Variants in FRAS1 observed in about 807,000 individuals in gnomAD.
The protein encoded by FRAS1 is Fraser extracellular matrix complex subunit 1, also known as extracellular matrix organizing protein FRAS1.
Under a neutral mutation model 435.2 loss-of-function variants are expected in FRAS1, and 290 were observed. The ratio of observed to expected loss-of-function variants is 0.67; its 90% CI spans 0.61 to 0.73. The LOEUF (loss-of-function observed/expected upper bound fraction) is 0.73, where lower values mean the gene tolerates loss of function less well. Ranked by LOEUF, FRAS1 falls within the 30% of genes least tolerant of loss-of-function variation. The pLI is 0.00. For missense variants in FRAS1, 4,860 were observed against 5,001.5 expected, an observed-to-expected ratio of 0.97 and a Z score of 0.85; for synonymous variants, 1,800 against 1,851.0, an observed-to-expected ratio of 0.97 and a Z score of 0.71.
At chr4:78,335,057 G>A (rs445963) in intron 19 of FRAS1, among the ~76,000 whole-genome samples, 14,584 of 152,062 alleles carry the variant, frequency 0.096, 2,100 homozygotes, top group African/African-American at 0.32. Context: ...ACTGTATCTG[G>A]CTCCATTTCT....
intron 7 of FRAS1, 42 bp from the exon 8 acceptor site, chr4:78,266,792 G>A (rs1267102558): frequency 7.0e-7 from 1 of 1,437,772 alleles, no homozygotes; most frequent in Admixed American, 1.9e-5. Context: ...TGATGTATGG[G>A]ACATTTGATT....
At chr4:78,138,214 C>T (rs911325278) in intron 2 of FRAS1, among the ~76,000 whole-genome samples, 3 of 152,166 alleles carry the variant, frequency 2.0e-5, no homozygotes, top group African/African-American at 7.2e-5. Context: ...CAGTTGCTCT[C>T]ATTTTGAGTA....
chr4:78,258,096 T>C (rs1725872413), intron 6 of FRAS1, among the ~76,000 whole-genome samples: 1 of 152,168 alleles, frequency 6.6e-6, no homozygotes, highest in Non-Finnish European at 1.5e-5. Context: ...ATCCCAGCAC[T>C]TTGGGAAGCC....
chr4:78,237,401 T>C (rs1724805158), intron 2 of FRAS1, 109 bp from the exon 3 acceptor site: 2 of 727,130 alleles, frequency 2.8e-6, no homozygotes, highest in Admixed American at 2.2e-5. Context: ...GCCTGTGACT[T>C]TTCTTTGTCT....
chr4:78,448,673 T>A (rs77384885), intron 44 of FRAS1, among the ~76,000 whole-genome samples: 3,948 of 28,578 alleles, frequency 0.14, 173 homozygotes, highest in African/African-American at 0.21. Flanking sequence ...TGGAAACAAA[T>A]AACGAAATAT....
At chr4:78,202,081 A>T (rs1321994664) in intron 2 of FRAS1, among the ~76,000 whole-genome samples, 1 of 152,188 alleles carries the variant, frequency 6.6e-6, no homozygotes, top group Non-Finnish European at 1.5e-5. Context: ...GGTAGAAGCA[A>T]TGGATGCTGC....
At position 78,080,085 on chromosome 4, in the gene FRAS1, C is replaced by T. The variant is rs139767767; in HGVS notation, c.108+14069C>T. 5.2e-3 allele frequency among the ~76,000 whole-genome samples: 799 copies of T among 152,214 alleles called. 6 individuals carry two copies. The highest frequency in any genetic ancestry group is 0.018 in the African/African-American group (759 of 41,536). Reference sequence around the variant, plus strand: ...TTGGCCCCAAAGGGGCCAACTTACACTACAGGTGGAATGGCATCTCACCTT... The same window carrying T: ...TTGGCCCCAAAGGGGCCAACTTACATTACAGGTGGAATGGCATCTCACCTT... On this transcript the variant is annotated intron_variant, in intron 2 of 73. Transcript: ENST00000512123.
chr4:78,094,332 A>G (rs896060187), intron 2 of FRAS1, among the ~76,000 whole-genome samples: 1 of 152,066 alleles, frequency 6.6e-6, no homozygotes, highest in South Asian at 2.1e-4. Flanking sequence ...TTGAAGCAGC[A>G]TAGCTTTCCC....
At chr4:78,261,744 T>C (rs1726117404) in intron 6 of FRAS1, among the ~76,000 whole-genome samples, 1 of 152,168 alleles carries the variant, frequency 6.6e-6, no homozygotes, top group Non-Finnish European at 1.5e-5. Flanking sequence ...GGAATGACTA[T>C]CCATTCTTTG....
intron 26 of FRAS1, chr4:78,379,465 C>T (rs1731922335): frequency 4.9e-6 from 2 of 409,662 alleles, no homozygotes; most frequent in South Asian, 2.9e-5. Flanking sequence ...CTCCCACTGG[C>T]AGGCAAAGAG....
chr4:78,396,103 C>T (rs950544441), intron 29 of FRAS1, among the ~76,000 whole-genome samples: 1 of 152,010 alleles, frequency 6.6e-6, no homozygotes, highest in African/African-American at 2.4e-5. Flanking sequence ...TAACTTATCT[C>T]CAATTGCATA....
chr4:78,359,718 GCA>G (rs754660678), intron 20 of FRAS1, among the ~76,000 whole-genome samples: 23 of 152,134 alleles, frequency 1.5e-4, no homozygotes, highest in Non-Finnish European at 3.1e-4. Context: ...GTTGAACTTT[GCA>G]CACTCGAGTA....
intron 69 of FRAS1, among the ~76,000 whole-genome samples, chr4:78,525,381 A>G (rs886560481): frequency 1.3e-5 from 2 of 152,228 alleles, no homozygotes; most frequent in Non-Finnish European, 2.9e-5. Flanking sequence ...GACTTTTAGA[A>G]CGGGAAGGAG....
intron 14 of FRAS1, among the ~76,000 whole-genome samples, chr4:78,307,665 C>G (rs999701616): frequency 2.6e-5 from 4 of 152,256 alleles, no homozygotes; most frequent in Admixed American, 2.6e-4. Flanking sequence ...GGGGAACTCC[C>G]TGACCCCTTG....
chr4:78,320,959 C>T (rs1729480418), intron 18 of FRAS1, among the ~76,000 whole-genome samples: 1 of 152,142 alleles, frequency 6.6e-6, no homozygotes, highest in Admixed American at 6.5e-5. Flanking sequence ...ACAGTGCTCC[C>T]ATGAAAAAAC....
intron 2 of FRAS1, among the ~76,000 whole-genome samples, chr4:78,213,071 G>A (rs533614965): frequency 6.6e-5 from 10 of 152,248 alleles, no homozygotes; most frequent in East Asian, 1.9e-4. Flanking sequence ...AAATAATATC[G>A]TGGGACACAG....
chr4:78,115,436 T>C (rs1743084169), intron 2 of FRAS1, among the ~76,000 whole-genome samples: 2 of 152,184 alleles, frequency 1.3e-5, no homozygotes, highest in South Asian at 4.1e-4. Flanking sequence ...CTGGTAGAAT[T>C]CGGCTGTGAA....
In FRAS1 at chr4:78,337,805, G is replaced by A. The variant is rs1172533095; in HGVS notation, c.2410G>A (p.Gly804Arg). 3 of 1,613,818 alleles carry A rather than the reference G, an allele frequency of 1.9e-6. No individual in the cohort carries two copies. The highest frequency in any genetic ancestry group is 4.5e-5 in the East Asian group (2 of 44,874). ...GGAAGAGCAGTTCCTCAACCTCGTG[G>A]GATACTGTGCTGGTGAGTGAAACTC... Reference protein sequence around the residue: ...CREEQFLNLVGYCADCHHLCQ... With the variant: ...CREEQFLNLVRYCADCHHLCQ... Residue 804 changes from glycine (G) to arginine (R), a missense_variant, in exon 20 of 74, where the codon GGA becomes AGA. Physicochemically the swap from Gly to Arg is moderately radical, Grantham distance 125. Transcript: ENST00000512123.
At chr4:78,374,061 G>T in intron 24 of FRAS1, 50 bp from the exon 25 acceptor site, 2 of 1,517,390 alleles carry the variant, frequency 1.3e-6, no homozygotes, top group Non-Finnish European at 1.8e-6. Flanking sequence ...AAGGCCTGGA[G>T]CCCCTGGAAA....
Sources: allele counts gnomAD v4.1 joint callset (sites outside exome capture counted in the v4.1 genomes callset), GRCh38; gene constraint gnomAD v4.1.1; transcripts MANE v1.5; gene names NCBI Gene and HGNC (gene_info 2026-07-23, HGNC 2026-07-21).